Variants in SMIM20 observed in about 807,000 individuals in gnomAD.
The protein encoded by SMIM20 is mitochondrial translation regulation assembly intermediate of cytochrome c oxidase protein of 7 kDa.
SMIM20 carries 3 observed loss-of-function variants against 8.7 expected under a neutral mutation model. The ratio of observed to expected loss-of-function variants is 0.34; its 90% CI spans 0.16 to 0.89. The LOEUF is 0.89. Ranked by LOEUF, SMIM20 falls within the 40% of genes least tolerant of loss-of-function variation. The pLI, the probability that SMIM20 is intolerant of heterozygous loss-of-function variation, is 0.49. For synonymous variants in SMIM20, 44 were observed against 33.6 expected (o/e 1.31, Z -1.07); for missense variants, 85 against 84.8 (o/e 1.00, Z -0.01).
intron 1 of SMIM20, among the ~76,000 whole-genome samples, chr4:25,924,812 T>C (rs1249149781): frequency 6.6e-6 from 1 of 152,196 alleles, no homozygotes. Flanking sequence ...AAATTTAACG[T>C]TGATACAGTG....
At chr4:25,928,205 C>A in intron 1 of SMIM20, 108 bp from the exon 2 acceptor site, 1 of 1,116,482 alleles carries the variant, frequency 9.0e-7, no homozygotes, top group Non-Finnish European at 1.3e-6. Flanking sequence ...TAACAGCACT[C>A]ATAAATACTG....
chr4:25,917,908 T>C (rs934851829), intron 1 of SMIM20, among the ~76,000 whole-genome samples: 2 of 152,106 alleles, frequency 1.3e-5, no homozygotes, highest in African/African-American at 4.8e-5. Context: ...TGGTCAAGAC[T>C]TGCTTTGGGG....
At chr4:25,919,328 A>G (rs989424442) in intron 1 of SMIM20, among the ~76,000 whole-genome samples, 6 of 150,202 alleles carry the variant, frequency 4.0e-5, no homozygotes, top group Non-Finnish European at 8.9e-5. Flanking sequence ...TATTTTTCTC[A>G]CCTCATTTTG....
At chr4:25,919,140 A>G (rs1407738667) in intron 1 of SMIM20, among the ~76,000 whole-genome samples, 3 of 143,388 alleles carry the variant, frequency 2.1e-5, no homozygotes, top group Non-Finnish European at 3.1e-5. Context: ...TCCTGACCTC[A>G]TGATCCACCC....
intron 1 of SMIM20, among the ~76,000 whole-genome samples, chr4:25,915,836 G>T: frequency 8.4e-6 from 1 of 118,964 alleles, no homozygotes; most frequent in African/African-American, 3.5e-5. Context: ...AGACATTTTT[G>T]CTTGTCACAA....
Position 25,929,206 on chromosome 4 carries a change from G to A in SMIM20, c.*15G>A. 6.4e-7 allele frequency: 1 copy of A among 1,551,898 alleles called. No homozygotes were observed. The highest frequency in any genetic ancestry group is 1.4e-5 in the African/African-American group (1 of 73,168). ...GCAGGAAATGAGAGGGCTGTCATCA[G>A]CTCTGATTAAGAAAGGAGATTTCTT... On this transcript the variant is annotated 3_prime_UTR_variant, in exon 3 of 3. Transcript: ENST00000506197.
intron 1 of SMIM20, among the ~76,000 whole-genome samples, chr4:25,925,356 C>T (rs934859179): frequency 6.6e-6 from 1 of 152,146 alleles, no homozygotes; most frequent in African/African-American, 2.4e-5. Flanking sequence ...CCTGCCTTAG[C>T]CTCCCAAGTA....
chr4:25,929,029 A>G (rs1711582895), intron 2 of SMIM20, 125 bp from the exon 3 acceptor site: 5 of 1,180,220 alleles, frequency 4.2e-6, no homozygotes, highest in Non-Finnish European at 5.9e-6. Flanking sequence ...GCCTGCTCAC[A>G]CCATCTCAAA....
At chr4:25,919,258 T>C (rs568694019) in intron 1 of SMIM20, among the ~76,000 whole-genome samples, 8 of 152,298 alleles carry the variant, frequency 5.3e-5, no homozygotes, top group Non-Finnish European at 1.0e-4. Flanking sequence ...CCTGATAAGC[T>C]CTTTTAACTA....
chr4:25,916,282 C>T lies in SMIM20; in HGVS notation c.109+1860C>T, dbSNP rs114085144. On this transcript the variant is annotated intron_variant, in intron 1 of 2. Transcript: ENST00000506197. ...CTGGAGTGCAGTGGCCTGATCTCGG[C>T]GCACTGCAGTCTCCATCTCCCAGGT... Among the ~76,000 whole-genome samples the T allele has an allele frequency of 5.7e-3, 866 of 151,704 alleles. 14 individuals are homozygous for T. Among genetic ancestry groups the T allele is most frequent in the African/African-American group, 0.02 (817 of 41,302 alleles).
At chr4:25,923,692 A>G (rs7436295) in intron 1 of SMIM20, among the ~76,000 whole-genome samples, 134,869 of 152,272 alleles carry the variant, frequency 0.89, 59,903 homozygotes, top group African/African-American at 0.94. Context: ...GCCCCTGCCC[A>G]AAAGGAGGCT....
chr4:25,928,948 A>G (rs1711581847), intron 2 of SMIM20, among the ~76,000 whole-genome samples: 1 of 152,154 alleles, frequency 6.6e-6, no homozygotes, highest in African/African-American at 2.4e-5. Context: ...ATGGGGTACA[A>G]TTCCTGAGCC....
Position 25,915,865 on chromosome 4 carries a change from G to A in SMIM20, c.109+1443G>A, listed in dbSNP as rs976954986. ...GTCACAACTTGGGATGGGGCGGGGG[G>A]GGGGTCGAGTGTTGCTACTGGTTTC... On this transcript the variant is annotated intron_variant, in intron 1 of 2. Coordinates refer to ENST00000506197, the MANE Select transcript of SMIM20 (RefSeq NM_001145432.3). Among the ~76,000 whole-genome samples the A allele has an allele frequency of 1.3e-4, 18 of 134,626 alleles. 3 individuals carry two copies. The highest frequency in any genetic ancestry group is 4.5e-4 in the African/African-American group (17 of 37,878). 88.3% of individuals were successfully genotyped at this position (134,626 alleles called of 152,430 possible). A position where few individuals can be genotyped will look rare whatever the true frequency, so the allele number is the denominator to read the frequency against.
At chr4:25,925,286 G>C (rs947399154) in intron 1 of SMIM20, among the ~76,000 whole-genome samples, 6 of 151,828 alleles carry the variant, frequency 4.0e-5, no homozygotes, top group African/African-American at 1.2e-4. Flanking sequence ...GCCCAGGCTC[G>C]AGTGCAGTGG....
At chr4:25,922,314 A>G (rs1719214752) in intron 1 of SMIM20, among the ~76,000 whole-genome samples, 1 of 152,212 alleles carries the variant, frequency 6.6e-6, no homozygotes, top group Admixed American at 6.5e-5. Context: ...GAGCTCAAGT[A>G]GAGGAAAGAG....
At chr4:25,924,716 G>A in intron 1 of SMIM20, among the ~76,000 whole-genome samples, 1 of 152,136 alleles carries the variant, frequency 6.6e-6, no homozygotes, top group East Asian at 1.9e-4. Flanking sequence ...GACATTGTGA[G>A]CTTTCATTCC....
chr4:25,926,205 C>G (rs972601673), intron 1 of SMIM20, among the ~76,000 whole-genome samples: 8 of 152,240 alleles, frequency 5.3e-5, no homozygotes, highest in African/African-American at 1.9e-4. Context: ...CTGTCAACCT[C>G]AATCAAGATG....
Position 25,914,426 on chromosome 4 carries a change from A to G in SMIM20, c.109+4A>G. On this transcript the variant is annotated splice_donor_region_variant and intron_variant, in intron 1 of 2. Transcript: ENST00000506197. ...CTAATGAGATTGGAGGAGTACAGTG[A>G]GTGATCTCTAACCCCTTGCGGTGAC... 2.0e-6 allele frequency: 3 copies of G among 1,491,106 alleles called. No individual in the cohort carries two copies. Among genetic ancestry groups the G allele is most frequent in the Non-Finnish European group, 2.7e-6 (3 of 1,110,872 alleles). The allele number at this position is 1,491,106 out of a possible 1,614,324, so 92.4% of individuals were successfully genotyped here. A position where few individuals can be genotyped will look rare whatever the true frequency, so the allele number is the denominator to read the frequency against.
chr4:25,921,151 A>G (rs1577361156), intron 1 of SMIM20, among the ~76,000 whole-genome samples: 1 of 152,318 alleles, frequency 6.6e-6, no homozygotes, highest in East Asian at 1.9e-4. Context: ...AAGGCCAGGT[A>G]CGGGAAGGCT....
Sources: allele counts gnomAD v4.1 joint callset (sites outside exome capture counted in the v4.1 genomes callset), GRCh38; gene constraint gnomAD v4.1.1; transcripts MANE v1.5; gene names NCBI Gene and HGNC (gene_info 2026-07-23, HGNC 2026-07-21).